RBFOX1: variants seen among roughly 807,000 people sequenced by gnomAD.
RBFOX1 encodes the protein RNA binding fox-1 homolog 1, also known as RNA binding protein fox-1 homolog 1.
In RBFOX1, 8 loss-of-function variants were observed where a neutral mutation model predicts 57.7. The observed-to-expected ratio is 0.14, with a 90% CI of 0.08 to 0.25. The LOEUF is 0.25. RBFOX1 is among the 10% of genes least tolerant of loss of function. The pLI is 1.00. For missense variants in RBFOX1, 611 were observed against 548.5 expected (o/e 1.11, Z -1.14); for synonymous variants, 326 against 222.4 (o/e 1.47, Z -4.15).
At chr16:7,045,381 G>C (rs954988569) in intron 3 of RBFOX1, among the ~76,000 whole-genome samples, 1 of 152,196 alleles carries the variant, frequency 6.6e-6, no homozygotes, top group African/African-American at 2.4e-5. Context: ...GTCTACTATA[G>C]AGATTACTTG....
At chr16:7,055,725 T>C (rs1334734496) in intron 4 of RBFOX1, among the ~76,000 whole-genome samples, 4 of 152,150 alleles carry the variant, frequency 2.6e-5, no homozygotes, top group African/African-American at 7.2e-5. Context: ...AGGCACATTG[T>C]TACCTGCACA....
At chr16:5,770,823 G>A (rs2053953178) in intron 3 of RBFOX1, among the ~76,000 whole-genome samples, 1 of 152,206 alleles carries the variant, frequency 6.6e-6, no homozygotes, top group Non-Finnish European at 1.5e-5. Flanking sequence ...AGAACTCTAT[G>A]CCAAGCCCAT....
chr16:5,793,642 G>A lies in RBFOX1; in HGVS notation c.319-73661G>A, dbSNP rs533898388. 5.9e-5 allele frequency among the ~76,000 whole-genome samples: 9 copies of A among 152,330 alleles called. No homozygotes were observed. In the South Asian group the frequency reaches 1.9e-3, roughly 32 times the overall value. ...AAGAGCAGTGCTCACAAAGCAGTGA[G>A]GAACCCGGTACTTGCAGGGGATGCT... On this transcript the variant is annotated intron_variant, in intron 3 of 19. Coordinates refer to the RBFOX1 transcript ENST00000641259.
chr16:5,424,980 TTTCTTTTC>T (rs2067496028), intron 1 of RBFOX1, among the ~76,000 whole-genome samples: 1 of 10,156 alleles, frequency 9.8e-5, no homozygotes, highest in Non-Finnish European at 1.5e-4. Context: ...CTTTCTTTCT[TTTCTTTTC>T]TTTTCTTTTC....
intron 3 of RBFOX1, among the ~76,000 whole-genome samples, chr16:6,756,366 G>C (rs1014405220): frequency 6.6e-6 from 1 of 152,016 alleles, no homozygotes; most frequent in Non-Finnish European, 1.5e-5. Flanking sequence ...AAAACTACTA[G>C]AAGTAAACAT....
intron 3 of RBFOX1, among the ~76,000 whole-genome samples, chr16:7,002,027 C>G (rs190554891): frequency 1.1e-4 from 16 of 151,886 alleles, no homozygotes; most frequent in African/African-American, 3.9e-4. Context: ...ATAGTTGATT[C>G]AGGGATGGGC....
At chr16:5,786,480 C>G (rs773526073) in intron 3 of RBFOX1, among the ~76,000 whole-genome samples, 4 of 152,152 alleles carry the variant, frequency 2.6e-5, no homozygotes, top group African/African-American at 9.7e-5. Context: ...GTAACGAAGG[C>G]CAGGATAAGG....
At chr16:7,120,826 TATATACACACAC>T (rs1567336540) in intron 4 of RBFOX1, among the ~76,000 whole-genome samples, 8 of 35,480 alleles carry the variant, frequency 2.3e-4, no homozygotes, top group Non-Finnish European at 5.2e-4. Flanking sequence ...TATATATGTA[TATATACACACAC>T]ACACACACAC....
At chr16:7,555,826 G>T (rs909177919) in intron 5 of RBFOX1, among the ~76,000 whole-genome samples, 4 of 152,038 alleles carry the variant, frequency 2.6e-5, no homozygotes, top group African/African-American at 9.7e-5. Context: ...CTACCTCCAC[G>T]GTCCCTTCCT....
chr16:6,536,665 C>G (rs1233719974), intron 2 of RBFOX1, among the ~76,000 whole-genome samples: 1 of 151,794 alleles, frequency 6.6e-6, no homozygotes, highest in African/African-American at 2.4e-5. Flanking sequence ...TGTGAGGGTT[C>G]TTGGATTGCT....
chr16:7,092,420 G>A (rs946678001), intron 4 of RBFOX1, among the ~76,000 whole-genome samples: 5 of 152,198 alleles, frequency 3.3e-5, no homozygotes, highest in African/African-American at 1.2e-4. Context: ...AGAACTTACT[G>A]TTTTGTAACC....
chr16:6,014,970 C>G (rs1459739095), upstream of RBFOX1, among the ~76,000 whole-genome samples: 4 of 151,936 alleles, frequency 2.6e-5, no homozygotes, highest in Admixed American at 2.6e-4. Context: ...ATCCCCCCAC[C>G]TCAGCCTCCC....
chr16:6,273,444 C>G (rs1354972011), intron 1 of RBFOX1, among the ~76,000 whole-genome samples: 2 of 147,926 alleles, frequency 1.4e-5, no homozygotes, highest in Non-Finnish European at 3.0e-5. Context: ...TCCTAGCTTC[C>G]AGCGATTCTC....
At chr16:6,939,199 T>C (rs72774205) in intron 3 of RBFOX1, among the ~76,000 whole-genome samples, 2 of 152,224 alleles carry the variant, frequency 1.3e-5, no homozygotes, top group South Asian at 2.1e-4. Flanking sequence ...AAAAATAATT[T>C]ATTAGGTTTT....
chr16:6,864,544 C>CGT (rs1165758196), intron 3 of RBFOX1, among the ~76,000 whole-genome samples: 39 of 145,410 alleles, frequency 2.7e-4, no homozygotes, highest in African/African-American at 9.1e-4. Context: ...TTCTCTCCTT[C>CGT]CTCTTTTTTT....
rs148245294 is a variant in RBFOX1 at position 6,853,680 on chromosome 16, C to G, written c.-15-198377C>G. Among the ~76,000 whole-genome samples, 17 of 152,228 alleles carry G rather than the reference C, an allele frequency of 1.1e-4. 1 individual carries two copies. Among genetic ancestry groups the G allele is most frequent in the African/African-American group, 4.1e-4 (17 of 41,540 alleles). The stretch of plus-strand genomic sequence containing the variant: ...GCCTGTATGGAGGCTAATTTGTGAA[C>G]CTGTAGCAATTTATCACCCTGGTTG... On this transcript the variant is annotated intron_variant, in intron 3 of 15. Coordinates refer to ENST00000550418, the MANE Select transcript of RBFOX1 (RefSeq NM_018723.4).
chr16:7,673,828 G>A lies in RBFOX1; in HGVS notation c.931-2946G>A, dbSNP rs114517773. On this transcript the variant is annotated intron_variant, in intron 13 of 15. Coordinates refer to ENST00000550418, the MANE Select transcript of RBFOX1 (RefSeq NM_018723.4). ...AACTATTTTGTGTTTGTCATGCCTC[G>A]TTCCTTTGGTTTGGTGGTGGGAAAA... is the stretch of plus-strand genomic sequence containing the variant. Among the ~76,000 whole-genome samples the A allele has an allele frequency of 4.3e-3, 660 of 152,272 alleles. 4 individuals are homozygous for A. The highest frequency in any genetic ancestry group is 0.015 in the African/African-American group (640 of 41,566).
intron 4 of RBFOX1, among the ~76,000 whole-genome samples, chr16:7,077,963 C>G (rs1193210684): frequency 3.9e-5 from 6 of 152,150 alleles, no homozygotes; most frequent in East Asian, 1.9e-4. Flanking sequence ...AAAGTAAACT[C>G]AAGGGCTGTG....
intron 5 of RBFOX1, among the ~76,000 whole-genome samples, chr16:7,538,188 G>A (rs1311353677): frequency 2.0e-5 from 3 of 152,162 alleles, no homozygotes; most frequent in South Asian, 4.1e-4. Context: ...CTGAGAGTGA[G>A]AGTTTGTTGA....
Sources: gnomAD v4.1 joint callset for allele counts (sites outside exome capture counted in the v4.1 genomes callset) on GRCh38, gnomAD v4.1.1 for gene constraint, MANE v1.5 for transcripts, NCBI Gene and HGNC (gene_info 2026-07-23, HGNC 2026-07-21) for gene names.